The following TPST1 variants were observed in gnomAD, a reference collection of about 807,000 sequenced individuals.
TPST1 encodes tyrosylprotein sulfotransferase 1, also known as protein-tyrosine sulfotransferase 1.
In TPST1, 20 loss-of-function variants were observed where a neutral mutation model predicts 34.8. That is an observed-to-expected ratio of 0.57 (90% CI 0.40 to 0.84). The LOEUF is 0.84. Among genes scored for constraint, TPST1 ranks in the 40% least tolerant of loss-of-function variants. TPST1 has a pLI of 0.00. For synonymous variants in TPST1, 152 were observed against 159.4 expected, an observed-to-expected ratio of 0.95 and a Z score of 0.35; for missense variants, 353 against 455.5, an observed-to-expected ratio of 0.78 and a Z score of 2.05.
At chr7:66,352,999 C>T in intron 4 of TPST1, 2 of 985,226 alleles carry the variant, frequency 2.0e-6, no homozygotes, top group Non-Finnish European at 2.4e-6. Context: ...TAGTCACTGG[C>T]CCCTGGGAAG....
At chr7:66,227,185 A>G (rs886920072) in intron 1 of TPST1, among the ~76,000 whole-genome samples, 1 of 151,726 alleles carries the variant, frequency 6.6e-6, no homozygotes, top group Non-Finnish European at 1.5e-5. Context: ...GGCACCCGCC[A>G]TGATGCCTGG....
chr7:66,274,102 C>G (rs1030879087), intron 2 of TPST1, among the ~76,000 whole-genome samples: 1 of 149,052 alleles, frequency 6.7e-6, no homozygotes, highest in African/African-American at 2.5e-5. Flanking sequence ...GGCACGGTGG[C>G]TGACGCCTGT....
At chr7:66,264,426 C>G (rs184243771) in intron 2 of TPST1, among the ~76,000 whole-genome samples, 19 of 152,286 alleles carry the variant, frequency 1.2e-4, no homozygotes, top group African/African-American at 4.3e-4. Context: ...GAAGTGAAGC[C>G]TAAGGCAGAG....
At chr7:66,207,444 C>T (rs182263618) in intron 1 of TPST1, among the ~76,000 whole-genome samples, 59 of 152,262 alleles carry the variant, frequency 3.9e-4, no homozygotes, top group African/African-American at 1.2e-3. Context: ...GTCTTACTTT[C>T]GAAAGCTAAC....
intron 2 of TPST1, among the ~76,000 whole-genome samples, chr7:66,278,944 A>G (rs1396633737): frequency 1.3e-5 from 2 of 152,134 alleles, no homozygotes; most frequent in Non-Finnish European, 2.9e-5. Flanking sequence ...TTTTCTTTCC[A>G]ACTTTTAGGT....
chr7:66,279,507 G>C (rs1790890342), intron 2 of TPST1, among the ~76,000 whole-genome samples: 1 of 152,156 alleles, frequency 6.6e-6, no homozygotes, highest in African/African-American at 2.4e-5. Context: ...TCGAACTGCT[G>C]TCCACAGTGG....
chr7:66,229,509 G>A (rs1329589312), intron 1 of TPST1, among the ~76,000 whole-genome samples: 1 of 152,162 alleles, frequency 6.6e-6, no homozygotes, highest in African/African-American at 2.4e-5. Flanking sequence ...TACTATTCCA[G>A]CAGTGAATAT....
chr7:66,299,862 G>A (rs1019375720), intron 3 of TPST1, among the ~76,000 whole-genome samples: 3 of 151,972 alleles, frequency 2.0e-5, no homozygotes, highest in Non-Finnish European at 2.9e-5. Context: ...TCTTTATTAT[G>A]GGTTATAGGC....
chr7:66,358,796 T>C (rs1277208662), intron 5 of TPST1, among the ~76,000 whole-genome samples: 1 of 152,216 alleles, frequency 6.6e-6, no homozygotes, highest in Non-Finnish European at 1.5e-5. Flanking sequence ...TCAAACTTCA[T>C]AGGTAATCTC....
chr7:66,280,863 A>G (rs550119219), intron 2 of TPST1, among the ~76,000 whole-genome samples: 13 of 152,352 alleles, frequency 8.5e-5, no homozygotes, highest in African/African-American at 3.1e-4. Flanking sequence ...GGTACTATTT[A>G]TCAAATAAAG....
chr7:66,324,782 CAG>C (rs1175999826), intron 3 of TPST1, among the ~76,000 whole-genome samples: 1 of 117,662 alleles, frequency 8.5e-6, no homozygotes, highest in Non-Finnish European at 1.6e-5. Context: ...GCCTGGGTGA[CAG>C]AGTAAGACTC....
chr7:66,207,843 A>G (rs1214728262), intron 1 of TPST1, among the ~76,000 whole-genome samples: 3 of 152,148 alleles, frequency 2.0e-5, no homozygotes, highest in African/African-American at 7.2e-5. Context: ...CACATATACA[A>G]ACATTACTAT....
intron 3 of TPST1, among the ~76,000 whole-genome samples, chr7:66,350,503 A>G (rs192173068): frequency 1.3e-5 from 2 of 152,008 alleles, no homozygotes; most frequent in Admixed American, 6.5e-5. Flanking sequence ...TCTCTACTTC[A>G]GTTTAGGTCT....
intron 3 of TPST1, among the ~76,000 whole-genome samples, chr7:66,297,284 G>A (rs1791221391): frequency 6.6e-6 from 1 of 152,036 alleles, no homozygotes. Context: ...TTCTGTATGT[G>A]TCCACCGAAA....
At chr7:66,323,082 G>T (rs1791790301) in intron 3 of TPST1, among the ~76,000 whole-genome samples, 1 of 152,018 alleles carries the variant, frequency 6.6e-6, no homozygotes, top group Admixed American at 6.6e-5. Context: ...GAAATACTTT[G>T]TTCATTTTTA....
At chr7:66,204,243 C>G (rs528685335), upstream of TPST1, among the ~76,000 whole-genome samples, 4 of 152,160 alleles carry the variant, frequency 2.6e-5, no homozygotes, top group African/African-American at 9.6e-5. Context: ...AGTGCCGATA[C>G]ATGCTACAAC....
intron 3 of TPST1, among the ~76,000 whole-genome samples, chr7:66,345,934 A>G (rs1250460555): frequency 6.6e-6 from 1 of 151,982 alleles, no homozygotes; most frequent in Non-Finnish European, 1.5e-5. Flanking sequence ...CTATCTAATA[A>G]TATTTTTGTA....
intron 5 of TPST1, chr7:66,359,425 T>C (rs2116420390): frequency 6.6e-6 from 1 of 150,806 alleles, no homozygotes; most frequent in South Asian, 2.1e-4. Flanking sequence ...TGCTGCCCCC[T>C]GGACACTTGA....
chr7:66,242,292 AAAG>A (rs1351249960), intron 2 of TPST1, among the ~76,000 whole-genome samples: 2 of 152,230 alleles, frequency 1.3e-5, no homozygotes, highest in African/African-American at 4.8e-5. Context: ...ACATATATAA[AAAG>A]AAATATAAAA....
Sources: gnomAD v4.1 joint callset for allele counts (sites outside exome capture counted in the v4.1 genomes callset) on GRCh38, gnomAD v4.1.1 for gene constraint, MANE v1.5 for transcripts, NCBI Gene and HGNC (gene_info 2026-07-23, HGNC 2026-07-21) for gene names.